The following PLCZ1 variants were observed in gnomAD, a reference collection of about 807,000 sequenced individuals.
The protein encoded by PLCZ1 is 1-phosphatidylinositol 4,5-bisphosphate phosphodiesterase zeta-1.
Under a neutral mutation model 76.8 loss-of-function variants are expected in PLCZ1, and 64 were observed. That is an observed-to-expected ratio of 0.83 (90% CI 0.68 to 1.03). The LOEUF is 1.03. Among genes scored for constraint, PLCZ1 ranks in the 50% least tolerant of loss-of-function variants. PLCZ1 has a pLI of 0.00. For missense variants in PLCZ1, 751 were observed against 713.7 expected, an observed-to-expected ratio of 1.05 and a Z score of -0.60; for synonymous variants, 248 against 230.8, an observed-to-expected ratio of 1.07 and a Z score of -0.68.
At chr12:18,678,440 T>A (rs1952143072), downstream of PLCZ1, among the ~76,000 whole-genome samples, 1 of 152,084 alleles carries the variant, frequency 6.6e-6, no homozygotes, top group African/African-American at 2.4e-5. Flanking sequence ...TATTCAACCA[T>A]CATGATAATT....
chr12:18,717,589 T>G (rs983865163), intron 5 of PLCZ1, among the ~76,000 whole-genome samples: 2 of 152,178 alleles, frequency 1.3e-5, no homozygotes, highest in Non-Finnish European at 2.9e-5. Context: ...ATTTGGAAAC[T>G]AATTGATATC....
At chr12:18,704,429 G>T (rs112173949) in intron 7 of PLCZ1, among the ~76,000 whole-genome samples, 1 of 152,060 alleles carries the variant, frequency 6.6e-6, no homozygotes, top group Non-Finnish European at 1.5e-5. Flanking sequence ...GGGTTCAAGC[G>T]ATTCTCCTGC....
At chr12:18,711,798 T>G (rs1170822016) in intron 6 of PLCZ1, among the ~76,000 whole-genome samples, 4 of 151,932 alleles carry the variant, frequency 2.6e-5, no homozygotes, top group African/African-American at 9.7e-5. Flanking sequence ...AGTTGTGTAC[T>G]TTGGTGTGAG....
At chr12:18,650,724 A>C in the PLCZ1 span, among the ~76,000 whole-genome samples, 59 of 19,252 alleles carry the variant, frequency 3.1e-3, no homozygotes, top group South Asian at 8.0e-3. Context: ...ATATATATAT[A>C]TATATATATA....
the PLCZ1 span, among the ~76,000 whole-genome samples, chr12:18,650,392 TAC>T: frequency 1.5e-5 from 2 of 135,742 alleles, no homozygotes; most frequent in Non-Finnish European, 3.1e-5. Context: ...TGTCTGTGTA[TAC>T]ACACACATTT....
At chr12:18,693,791 C>G in intron 12 of PLCZ1, 1 of 1,513,614 alleles carries the variant, frequency 6.6e-7, no homozygotes, top group South Asian at 1.1e-5. Flanking sequence ...AACTTTGGAT[C>G]CAGCGCTTAT....
At chr12:18,672,758 C>G in the PLCZ1 span, among the ~76,000 whole-genome samples, 2 of 152,150 alleles carry the variant, frequency 1.3e-5, no homozygotes, top group Non-Finnish European at 2.9e-5. Context: ...ACTCTTCCCT[C>G]CCTTCAACCT....
At chr12:18,695,662 T>G (rs1954868972) in intron 11 of PLCZ1, among the ~76,000 whole-genome samples, 1 of 152,032 alleles carries the variant, frequency 6.6e-6, no homozygotes, top group South Asian at 2.1e-4. Context: ...ACCTGGTACT[T>G]TCTGATGGGT....
At chr12:18,716,604 T>G (rs1468195719) in intron 5 of PLCZ1, among the ~76,000 whole-genome samples, 1 of 152,192 alleles carries the variant, frequency 6.6e-6, no homozygotes, top group Non-Finnish European at 1.5e-5. Flanking sequence ...ATCCTGTTTC[T>G]CTCTTGACTT....
chr12:18,661,568 A>G, the PLCZ1 span, among the ~76,000 whole-genome samples: 5 of 152,214 alleles, frequency 3.3e-5, no homozygotes, highest in Non-Finnish European at 5.9e-5. Context: ...ATTATTAATC[A>G]GAAAAATGCA....
chr12:18,698,544 T>C (rs540154461), intron 10 of PLCZ1, among the ~76,000 whole-genome samples: 1 of 152,294 alleles, frequency 6.6e-6, no homozygotes, highest in African/African-American at 2.4e-5. Context: ...AGAATCCGCA[T>C]TCCCAAACAG....
At chr12:18,667,282 T>C in the PLCZ1 span, among the ~76,000 whole-genome samples, 4 of 152,140 alleles carry the variant, frequency 2.6e-5, no homozygotes, top group African/African-American at 7.2e-5. Context: ...CTTAGAGATA[T>C]GTGTAATATC....
intron 9 of PLCZ1, 72 bp from the exon 10 acceptor site, chr12:18,700,022 A>C: frequency 8.0e-7 from 1 of 1,243,466 alleles, no homozygotes; most frequent in South Asian, 1.3e-5. Flanking sequence ...CTAGTAAAGA[A>C]AATACACTTT....
chr12:18,684,723 G>A (rs1952829582), intron 13 of PLCZ1, among the ~76,000 whole-genome samples: 1 of 152,026 alleles, frequency 6.6e-6, no homozygotes, highest in Non-Finnish European at 1.5e-5. Flanking sequence ...AGAAAATTAA[G>A]TAACATCATT....
At chr12:18,737,322 A>G in intron 2 of PLCZ1, 39 bp downstream of exon 2, 6 of 1,595,902 alleles carry the variant, frequency 3.8e-6, no homozygotes, top group Non-Finnish European at 5.2e-6. Flanking sequence ...TAAGTAGGAG[A>G]AAGAAGAAGA....
At chr12:18,730,437 T>A (rs1958980404) in intron 3 of PLCZ1, among the ~76,000 whole-genome samples, 1 of 152,162 alleles carries the variant, frequency 6.6e-6, no homozygotes, top group African/African-American at 2.4e-5. Flanking sequence ...TGTTACTAGA[T>A]AAGAATAGTT....
chr12:18,729,013 C>T (rs112235654), intron 3 of PLCZ1, among the ~76,000 whole-genome samples: 2 of 152,070 alleles, frequency 1.3e-5, no homozygotes, highest in Non-Finnish European at 2.9e-5. Flanking sequence ...CTCTCTCTCT[C>T]TGAATACTAG....
At chr12:18,685,277 C>T (rs1365024160) in intron 13 of PLCZ1, among the ~76,000 whole-genome samples, 1 of 151,946 alleles carries the variant, frequency 6.6e-6, no homozygotes, top group Admixed American at 6.6e-5. Context: ...CCAATTTCTG[C>T]CAAGCAAGAA....
At chr12:18,713,779 A>G (rs1203754959) in intron 5 of PLCZ1, 2 of 152,206 alleles carry the variant, frequency 1.3e-5, no homozygotes, top group African/African-American at 2.4e-5. Context: ...TGAGGAAACT[A>G]TATTTCTGCT....
Sources: allele counts gnomAD v4.1 joint callset (sites outside exome capture counted in the v4.1 genomes callset), GRCh38; gene constraint gnomAD v4.1.1; transcripts MANE v1.5; gene names NCBI Gene and HGNC (gene_info 2026-07-23, HGNC 2026-07-21).